The following MMRN1 variants were observed in gnomAD, a reference collection of about 807,000 sequenced individuals.
MMRN1 encodes the protein multimerin 1.
Under a neutral mutation model 100.7 loss-of-function variants are expected in MMRN1, and 94 were observed. The ratio of observed to expected loss-of-function variants is 0.93; its 90% CI spans 0.79 to 1.11. MMRN1 has a LOEUF of 1.11. Among genes scored for constraint, MMRN1 ranks in the 50% least tolerant of loss-of-function variants. MMRN1 has a pLI of 0.00. For missense variants in MMRN1, 1,606 were observed against 1,439.1 expected, an observed-to-expected ratio of 1.12 and a Z score of -1.88; for synonymous variants, 575 against 505.0, an observed-to-expected ratio of 1.14 and a Z score of -1.86.
At chr4:89,951,298 A>C in intron 6 of MMRN1, 1 of 227,416 alleles carries the variant, frequency 4.4e-6, no homozygotes, top group Non-Finnish European at 8.5e-6. Flanking sequence ...ACCAGTTTCA[A>C]ATATACATGA....
At chr4:89,932,893 T>C (rs1416801334) in intron 5 of MMRN1, among the ~76,000 whole-genome samples, 3 of 152,214 alleles carry the variant, frequency 2.0e-5, no homozygotes. Flanking sequence ...TTATTACTTA[T>C]GCAAATTTCT....
chr4:89,930,453 G>A (rs961957204), intron 5 of MMRN1, among the ~76,000 whole-genome samples: 12 of 151,876 alleles, frequency 7.9e-5, no homozygotes, highest in African/African-American at 2.7e-4. Context: ...AGGACTTTTA[G>A]GCATGTAGTT....
At chr4:89,938,507 A>G (rs868362209) in intron 6 of MMRN1, among the ~76,000 whole-genome samples, 3 of 91,260 alleles carry the variant, frequency 3.3e-5, no homozygotes, top group Admixed American at 1.1e-4. Context: ...ATATATATAT[A>G]TATATTTAAA....
chr4:89,921,047 T>C lies in MMRN1; in HGVS notation c.851-2121T>C, dbSNP rs563467872. ...AAAGGAAATTCGAATAGTAATCTTGTTTGTATTCAACAAAACAATATTATC... is the reference window on the plus strand; with the variant it reads ...AAAGGAAATTCGAATAGTAATCTTGCTTGTATTCAACAAAACAATATTATC... On this transcript the variant is annotated intron_variant, in intron 3 of 7. Transcript: ENST00000264790. 3.3e-5 allele frequency among the ~76,000 whole-genome samples: 5 copies of C among 152,268 alleles called. No homozygotes were observed. The South Asian group carries it at 1.0e-3, about 32-fold the overall frequency.
chr4:89,945,813 T>C (rs1053935559), intron 6 of MMRN1, among the ~76,000 whole-genome samples: 1 of 152,070 alleles, frequency 6.6e-6, no homozygotes, highest in Non-Finnish European at 1.5e-5. Context: ...TAAAGTAATA[T>C]ATGAAGGGTT....
chr4:89,929,818 G>A (rs1196078065), intron 5 of MMRN1, among the ~76,000 whole-genome samples: 1 of 152,112 alleles, frequency 6.6e-6, no homozygotes, highest in Non-Finnish European at 1.5e-5. Flanking sequence ...CCAAGGTGCT[G>A]TGCTTGCCTA....
chr4:89,951,666 A>G lies in MMRN1; in HGVS notation c.3180A>G (p.Arg1060=). 1.3e-6 allele frequency: 2 copies of G among 1,580,134 alleles called. No individual in the cohort carries two copies. The highest frequency in any genetic ancestry group is 1.7e-6 in the Non-Finnish European group (2 of 1,168,180). The change falls in exon 7 of 8, where the codon AGA becomes AGG. Residue 1060 remains arginine, a synonymous_variant. Transcript: ENST00000264790. ...CQNGGTCING[R]TSFTCACRHP... ...ATGGGGGCACGTGCATAAATGGAAG[A>G]ACTAGCTTTACCTGTGCCTGCAGAC...
chr4:89,927,755 T>A, intron 4 of MMRN1, 40 bp from the exon 5 acceptor site: 2 of 1,574,456 alleles, frequency 1.3e-6, no homozygotes, highest in East Asian at 2.3e-5. Context: ...TGGGTCAAAA[T>A]ATATTTTTTA....
chr4:89,949,039 A>T (rs533132650), intron 6 of MMRN1, among the ~76,000 whole-genome samples: 136 of 152,308 alleles, frequency 8.9e-4, no homozygotes, highest in Admixed American at 4.8e-3. Context: ...AATGACTCAA[A>T]GAACTACAGC....
intron 5 of MMRN1, among the ~76,000 whole-genome samples, chr4:89,933,772 T>C (rs1415346344): frequency 2.6e-5 from 4 of 152,184 alleles, no homozygotes; most frequent in Non-Finnish European, 5.9e-5. Context: ...GTGGGGATTA[T>C]GGGAGGTACC....
At position 89,923,196 on chromosome 4, in the gene MMRN1, C is replaced by A; in HGVS notation, c.879C>A (p.Thr293=). Reference sequence around the variant, plus strand: ...AGGAACAGCAAAGTTTGATACACACCAACCAGGCTGAAAGTCATACAGCTG... The same window carrying A: ...AGGAACAGCAAAGTTTGATACACACAAACCAGGCTGAAAGTCATACAGCTG... ...RAQEQQSLIH[T]NQAESHTAVG... is the part of the protein sequence containing the mutation. Residue 293 remains threonine (T), a synonymous_variant, in exon 4 of 8, where the codon ACC becomes ACA. Transcript: ENST00000264790. 1 of 1,613,956 alleles carries A rather than the reference C, an allele frequency of 6.2e-7. No homozygotes were observed. Among genetic ancestry groups the A allele is most frequent in the Non-Finnish European group, 8.5e-7 (1 of 1,179,856 alleles).
At chr4:89,899,845 G>A (rs1377273371) in intron 1 of MMRN1, among the ~76,000 whole-genome samples, 1 of 151,672 alleles carries the variant, frequency 6.6e-6, no homozygotes, top group Non-Finnish European at 1.5e-5. Flanking sequence ...TCTACTTGCC[G>A]TTATTCACCA....
At position 89,936,078 on chromosome 4, in the gene MMRN1, T is replaced by C; in HGVS notation, c.2398T>C (p.Leu800=). ...TGACAATCAGAGATATAACTTTGTT[T>C]TGCAAGTCGCCAAGACCCTTGCAGG... ...VNDNQRYNFV[L]QVAKTLAGIP... The change falls in exon 6 of 8, where the codon TTG becomes CTG. Residue 800 remains leucine, a synonymous_variant. Transcript: ENST00000264790. 1 of 1,611,836 alleles carries C rather than the reference T, an allele frequency of 6.2e-7. No individual in the cohort carries two copies. The highest frequency in any genetic ancestry group is 1.1e-5 in the South Asian group (1 of 90,478).
At chr4:89,925,706 T>C (rs904370274) in intron 4 of MMRN1, among the ~76,000 whole-genome samples, 32 of 151,944 alleles carry the variant, frequency 2.1e-4, no homozygotes, top group Non-Finnish European at 3.8e-4. Flanking sequence ...GGCATGCACC[T>C]GTAGTCCCAG....
intron 1 of MMRN1, among the ~76,000 whole-genome samples, chr4:89,889,189 G>T (rs113997642): frequency 1.3e-5 from 2 of 152,118 alleles, no homozygotes; most frequent in Non-Finnish European, 2.9e-5. Flanking sequence ...CTTTGAGGAC[G>T]TGATAAGGAT....
intron 3 of MMRN1, among the ~76,000 whole-genome samples, chr4:89,912,718 T>C (rs1721794044): frequency 1.3e-5 from 2 of 151,168 alleles, no homozygotes. Context: ...TGAATGAATA[T>C]TACAAGAAAG....
chr4:89,953,210 G>T lies in MMRN1; in HGVS notation c.3479G>T (p.Gly1160Val). The change falls in exon 8 of 8, where the codon GGA (glycine) becomes GTA (valine). Residue 1160 changes from glycine (G) to valine (V), a missense_variant. Coordinates refer to ENST00000264790, the MANE Select transcript of MMRN1 (RefSeq NM_007351.3). ...TIESFSAHIS[G>V]FLVVDGIDKL... ...GAGTCATTTAGTGCTCATATTTCTG[G>T]ATTTTTAGTGGTTGATGGAATAGAC... is the stretch of plus-strand genomic sequence containing the variant. 3.1e-6 allele frequency: 5 copies of T among 1,613,764 alleles called. No individual in the cohort carries two copies. In the Admixed American group the frequency reaches 8.3e-5, roughly 27 times the overall value.
At position 89,946,051 on chromosome 4, in the gene MMRN1, G is replaced by A. The variant is rs185186032; in HGVS notation, c.3119-5554G>A. On this transcript the variant is annotated intron_variant, in intron 6 of 7. Coordinates refer to ENST00000264790, the MANE Select transcript of MMRN1 (RefSeq NM_007351.3). ...TATTCCTAGAAGTTGCTGGCAATGG[G>A]CATATGAAATATTTCTAGAGCAACA... Among the ~76,000 whole-genome samples, 47 of 152,256 alleles carry A rather than the reference G, an allele frequency of 3.1e-4. No individual in the cohort carries two copies. In the East Asian group the frequency reaches 8.9e-3, roughly 29 times the overall value.
upstream of MMRN1, among the ~76,000 whole-genome samples, chr4:89,894,296 C>T (rs913849791): frequency 1.3e-5 from 2 of 151,974 alleles, no homozygotes; most frequent in African/African-American, 2.4e-5. Flanking sequence ...TACTTATAAT[C>T]ATTGAGATTA....
Sources: allele counts gnomAD v4.1 joint callset (sites outside exome capture counted in the v4.1 genomes callset), GRCh38; gene constraint gnomAD v4.1.1; transcripts MANE v1.5; gene names NCBI Gene and HGNC (gene_info 2026-07-23, HGNC 2026-07-21).